Variants in MTCL2 observed in about 807,000 individuals in gnomAD.
MTCL2 encodes microtubule crosslinking factor 2, also known as microtubule cross-linking factor 2.
At chr20:36,843,921 T>C in the MTCL2 span, among the ~76,000 whole-genome samples, 1 of 152,220 alleles carries the variant, frequency 6.6e-6, no homozygotes, top group African/African-American at 2.4e-5. Context: ...TTTTAACTTT[T>C]AAATGACTGA....
At chr20:36,792,453 C>T in the MTCL2 span, among the ~76,000 whole-genome samples, 6 of 151,828 alleles carry the variant, frequency 4.0e-5, no homozygotes, top group Admixed American at 2.0e-4. Context: ...TACAGTGAGC[C>T]GAGATTGAGT....
chr20:36,862,602 G>A, the MTCL2 span: 12 of 1,430,108 alleles, frequency 8.4e-6, no homozygotes, highest in Non-Finnish European at 9.2e-6. Context: ...TCAGGCCCGC[G>A]GGACTGTGAC....
At chr20:36,862,238 G>A in the MTCL2 span, among the ~76,000 whole-genome samples, 1 of 152,216 alleles carries the variant, frequency 6.6e-6, no homozygotes, top group African/African-American at 2.4e-5. Context: ...CCTTTCCTGG[G>A]CAGGGGATGG....
the MTCL2 span, among the ~76,000 whole-genome samples, chr20:36,827,454 C>A: frequency 6.8e-6 from 1 of 147,944 alleles, no homozygotes; most frequent in South Asian, 2.2e-4. Flanking sequence ...GCCTCCACTT[C>A]CTAAGTAGCT....
At chr20:36,819,909 G>T in the MTCL2 span, among the ~76,000 whole-genome samples, 1 of 152,178 alleles carries the variant, frequency 6.6e-6, no homozygotes, top group Non-Finnish European at 1.5e-5. Flanking sequence ...AGCTGGAAGG[G>T]AAGAGGAGGA....
chr20:36,811,363 T>C, the MTCL2 span, among the ~76,000 whole-genome samples: 4 of 152,040 alleles, frequency 2.6e-5, no homozygotes, highest in Non-Finnish European at 5.9e-5. Context: ...GCACAGTGGC[T>C]CACGCCTGTA....
chr20:36,792,983 C>A, the MTCL2 span, among the ~76,000 whole-genome samples: 1 of 152,008 alleles, frequency 6.6e-6, no homozygotes, highest in Non-Finnish European at 1.5e-5. Context: ...CAGCTCACTG[C>A]AACTTCCGCC....
the MTCL2 span, among the ~76,000 whole-genome samples, chr20:36,833,117 A>C: frequency 6.6e-6 from 1 of 152,240 alleles, no homozygotes; most frequent in African/African-American, 2.4e-5. Flanking sequence ...CTATAGAACT[A>C]AGGTTTGAAA....
chr20:36,832,224 A>C, the MTCL2 span, among the ~76,000 whole-genome samples: 1 of 152,100 alleles, frequency 6.6e-6, no homozygotes, highest in Non-Finnish European at 1.5e-5. Context: ...TCAAATGCCA[A>C]CCCCACCCAC....
the MTCL2 span, among the ~76,000 whole-genome samples, chr20:36,824,226 C>T: frequency 6.6e-6 from 1 of 152,198 alleles, no homozygotes; most frequent in Non-Finnish European, 1.5e-5. Flanking sequence ...ATCTCAGAAA[C>T]GTGCACATGA....
the MTCL2 span, chr20:36,794,603 C>T: frequency 3.3e-5 from 53 of 1,613,792 alleles, no homozygotes; most frequent in African/African-American, 9.3e-5. The surrounding 1 kb of genome is among the most constrained non-coding windows in gnomAD (Gnocchi z 5.4). Flanking sequence ...TTTGGTTCTG[C>T]GAAGGACAGA....
At chr20:36,862,179 G>T in the MTCL2 span, among the ~76,000 whole-genome samples, 1 of 152,256 alleles carries the variant, frequency 6.6e-6, no homozygotes, top group Non-Finnish European at 1.5e-5. Flanking sequence ...GGCAGAGACA[G>T]GCCTGCGCCC....
At chr20:36,806,360 T>G in the MTCL2 span, among the ~76,000 whole-genome samples, 1 of 152,172 alleles carries the variant, frequency 6.6e-6, no homozygotes, top group South Asian at 2.1e-4. Flanking sequence ...GCGAGTCACC[T>G]TCTGTGCTCA....
chr20:36,863,267 C>T, the MTCL2 span: 40 of 1,193,396 alleles, frequency 3.4e-5, no homozygotes, highest in Non-Finnish European at 9.3e-6. This position sits in a 1 kb window ranked among gnomAD's most constrained non-coding sequence, Gnocchi z 6.2. Context: ...TCTTTTTCCT[C>T]TCCGGGGCAG....
the MTCL2 span, chr20:36,863,018 C>T: frequency 2.1e-6 from 3 of 1,397,288 alleles, no homozygotes; most frequent in East Asian, 3.4e-5. This position sits in a 1 kb window ranked among gnomAD's most constrained non-coding sequence, Gnocchi z 6.2. Context: ...GCGGCGGTGG[C>T]GGTCGCGGCC....
At chr20:36,846,965 G>A in the MTCL2 span, among the ~76,000 whole-genome samples, 1 of 152,188 alleles carries the variant, frequency 6.6e-6, no homozygotes, top group Non-Finnish European at 1.5e-5. Context: ...AGCTGAGATT[G>A]CAACAATGCA....
the MTCL2 span, among the ~76,000 whole-genome samples, chr20:36,861,580 C>CCAG: frequency 1.1e-4 from 16 of 152,312 alleles, no homozygotes; most frequent in Middle Eastern, 3.4e-3. Context: ...CAGACATAAA[C>CCAG]CAGCAGCATG....
the MTCL2 span, among the ~76,000 whole-genome samples, chr20:36,810,717 C>CCTCTCTCT: frequency 0.15 from 14,427 of 94,004 alleles, 1,885 homozygotes; most frequent in Non-Finnish European, 0.21. Context: ...TCTCTCTCTC[C>CCTCTCTCT]CTCTCTCTCT....
chr20:36,829,259 C>A, the MTCL2 span: 29 of 1,534,596 alleles, frequency 1.9e-5, no homozygotes, highest in East Asian at 5.7e-4. Flanking sequence ...CTGAGGAGAG[C>A]CCCCACTGCA....
Sources: gnomAD v4.1 joint callset for allele counts (sites outside exome capture counted in the v4.1 genomes callset) on GRCh38, gnomAD v4.1.1 for gene constraint, Gnocchi (gnomAD v3.1) non-coding constraint, MANE v1.5 for transcripts, NCBI Gene and HGNC (gene_info 2026-07-23, HGNC 2026-07-21) for gene names.